The following SCAF4 variants were observed in gnomAD, a reference collection of about 807,000 sequenced individuals.
SCAF4 encodes SR-related CTD associated factor 4.
In SCAF4, 25 loss-of-function variants were observed where a neutral mutation model predicts 129.8. The ratio of observed to expected loss-of-function variants is 0.19; its 90% CI spans 0.14 to 0.27. The LOEUF is 0.27. Ranked by LOEUF, SCAF4 falls within the 10% of genes least tolerant of loss-of-function variation. The pLI, the probability that SCAF4 is intolerant of heterozygous loss-of-function variation, is 1.00. For missense variants in SCAF4, 1,246 were observed against 1,457.1 expected (o/e 0.86, Z 2.36); for synonymous variants, 551 against 497.7 (o/e 1.11, Z -1.43).
chr21:31,700,152 A>T lies in SCAF4; in HGVS notation c.777+843T>A, dbSNP rs2050487771. 3.3e-5 allele frequency among the ~76,000 whole-genome samples: 5 copies of T among 151,158 alleles called. No individual in the cohort carries two copies. The Admixed American group carries it at 3.4e-4, about 10-fold the overall frequency. The stretch of plus-strand genomic sequence containing the variant: ...GTTCCCAAACCCTCATATTATATAT[A>T]TGGTAACTAAGGTTAAAATACACAC... On this transcript the variant is annotated intron_variant, in intron 7 of 19. Transcript: ENST00000286835.
chr21:31,731,851 CGAGGCGGGCGGCCGAGGCA>C lies in SCAF4; in HGVS notation c.-178_-160del. 1.3e-6 allele frequency: 1 copy of C among 774,322 alleles called. No homozygotes were observed. The highest frequency in any genetic ancestry group is 1.9e-6 in the Non-Finnish European group (1 of 535,620). The allele number at this position is 774,322 out of a possible 1,614,324, so 48.0% of individuals were successfully genotyped here. A position where few individuals can be genotyped will look rare whatever the true frequency, so the allele number is the denominator to read the frequency against. On this transcript the variant is annotated 5_prime_UTR_variant, in exon 1 of 20. Coordinates refer to ENST00000286835, the MANE Select transcript of SCAF4 (RefSeq NM_020706.2). ...CAGGAAGAGGCTGCGCCCGAAGCGG[CGAGGCGGGCGGCCGAGGCA>C]GAGGCGGAGAGGTGGCGGGCCCCCT...
At chr21:31,705,558 A>G in intron 2 of SCAF4, 91 bp from the exon 3 acceptor site, 1 of 492,596 alleles carries the variant, frequency 2.0e-6, no homozygotes, top group Non-Finnish European at 3.5e-6. Flanking sequence ...AAATCTATAC[A>G]ATCTAAATAT....
chr21:31,703,995 C>T (rs1010364700), intron 3 of SCAF4, 69 bp from the exon 4 acceptor site: 2 of 1,008,042 alleles, frequency 2.0e-6, no homozygotes, highest in East Asian at 2.5e-5. Context: ...ATTATTTTCA[C>T]ATTTATGAAA....
rs1451859854 is a variant in SCAF4, at chr21:31,703,709, C to T, written c.321+56G>A. 8 of 956,930 alleles carry T rather than the reference C, an allele frequency of 8.4e-6. No homozygotes were observed. The Admixed American group carries it at 9.5e-5, about 11-fold the overall frequency. 59.3% of individuals were successfully genotyped at this position (956,930 alleles called of 1,614,324 possible). ...TAGTAGGCTCCAAATATCTAACATA[C>T]ATTTAAAATAATATTTTTTAAAGAA... On this transcript the variant is annotated intron_variant, in intron 4 of 19. Coordinates refer to ENST00000286835, the MANE Select transcript of SCAF4 (RefSeq NM_020706.2).
intron 19 of SCAF4, among the ~76,000 whole-genome samples, chr21:31,682,716 T>A (rs1169402296): frequency 6.6e-6 from 1 of 152,216 alleles, no homozygotes; most frequent in Non-Finnish European, 1.5e-5. Flanking sequence ...ATTCCTTTTA[T>A]TATCTTAAAA....
Position 31,688,363 on chromosome 21 carries a change from G to A in SCAF4, c.1987C>T (p.Pro663Ser). 6.2e-7 allele frequency: 1 copy of A among 1,613,278 alleles called. No homozygotes were observed. Residue 663 changes from proline (P) to serine (S), a missense_variant, in exon 16 of 20, where the codon CCT becomes TCT. Pro to Ser is a moderately conservative substitution (Grantham distance 74, BLOSUM62 -1). Around this residue, in one of 6 missense-constraint regions of SCAF4, gnomAD observed 468 missense variants for 605.5 expected, o/e 0.77. Coordinates refer to ENST00000286835, the MANE Select transcript of SCAF4 (RefSeq NM_020706.2). ...EPVSPIPKPL[P>S]VPVPPIPVPA... is the part of the protein sequence containing the mutation. ...ACAGGAATAGGAGGGACAGGCACAG[G>A]TAATGGTTTAGGTATGGGTGATACT...
intron 7 of SCAF4, among the ~76,000 whole-genome samples, chr21:31,698,123 C>A (rs1018451321): frequency 1.3e-5 from 2 of 152,090 alleles, no homozygotes; most frequent in African/African-American, 4.8e-5. Flanking sequence ...TTAATATGTT[C>A]TTTAAAGTTT....
intron 19 of SCAF4, among the ~76,000 whole-genome samples, chr21:31,681,031 T>G (rs1161637522): frequency 6.6e-6 from 1 of 152,238 alleles, no homozygotes; most frequent in Non-Finnish European, 1.5e-5. Flanking sequence ...ACTGAAGCCA[T>G]GCCAGGACTG....
chr21:31,689,497 A>G (rs930831037), intron 15 of SCAF4, among the ~76,000 whole-genome samples: 4 of 146,640 alleles, frequency 2.7e-5, no homozygotes, highest in Non-Finnish European at 4.5e-5. Flanking sequence ...TTTAGTAAAG[A>G]TGGGGTTTTA....
intron 1 of SCAF4, among the ~76,000 whole-genome samples, chr21:31,715,302 T>G (rs1180152203): frequency 6.6e-6 from 1 of 152,138 alleles, no homozygotes; most frequent in African/African-American, 2.4e-5. Flanking sequence ...ACCTCTCTAG[T>G]ATAAGGACCC....
At chr21:31,708,876 T>C (rs182942486) in intron 1 of SCAF4, among the ~76,000 whole-genome samples, 7 of 152,256 alleles carry the variant, frequency 4.6e-5, no homozygotes, top group African/African-American at 1.7e-4. Flanking sequence ...CCTTTCCACG[T>C]AGAAAGTCAA....
At chr21:31,674,208 A>C (rs59988850) in intron 19 of SCAF4, among the ~76,000 whole-genome samples, 3,015 of 152,280 alleles carry the variant, frequency 0.02, 118 homozygotes, top group African/African-American at 0.069. Flanking sequence ...CAAACCCCAG[A>C]CTGAAGGACC....
intron 1 of SCAF4, among the ~76,000 whole-genome samples, chr21:31,715,998 A>G (rs1192884597): frequency 1.3e-5 from 2 of 152,172 alleles, no homozygotes; most frequent in Admixed American, 1.3e-4. Context: ...AATTAATAAA[A>G]ACTGGCAGAC....
intron 19 of SCAF4, among the ~76,000 whole-genome samples, chr21:31,678,456 C>T (rs750399256): frequency 1.3e-5 from 2 of 152,166 alleles, no homozygotes; most frequent in Non-Finnish European, 1.5e-5. Context: ...AGCATCAGAA[C>T]CGGTCTCCTT....
intron 8 of SCAF4, 113 bp from the exon 9 acceptor site, chr21:31,696,334 A>G (rs976058381): frequency 1.2e-5 from 9 of 734,940 alleles, no homozygotes; most frequent in Non-Finnish European, 1.7e-5. Flanking sequence ...ACTGAACCAT[A>G]TATTTACCTA....
chr21:31,705,501 T>C lies in SCAF4; in HGVS notation c.115-34A>G, dbSNP rs540262084. 5 of 969,532 alleles carry C rather than the reference T, an allele frequency of 5.2e-6. No individual in the cohort carries two copies. The South Asian group carries it at 8.6e-5, about 17-fold the overall frequency. 60.1% of individuals were successfully genotyped at this position (969,532 alleles called of 1,614,324 possible). On this transcript the variant is annotated intron_variant, in intron 2 of 19. Coordinates refer to ENST00000286835, the MANE Select transcript of SCAF4 (RefSeq NM_020706.2). ...AATTAAGAGAAAATTACTGTTCAGT[T>C]TACTTATTTCTACATTTCCTATAAT...
At chr21:31,687,691 C>G (rs9974261) in intron 16 of SCAF4, among the ~76,000 whole-genome samples, 1 of 146,888 alleles carries the variant, frequency 6.8e-6, no homozygotes, top group South Asian at 2.1e-4. Context: ...ATCCAAGTTT[C>G]TTCAGGACAC....
At chr21:31,704,852 T>A (rs908792582) in intron 3 of SCAF4, among the ~76,000 whole-genome samples, 4 of 152,212 alleles carry the variant, frequency 2.6e-5, no homozygotes, top group African/African-American at 9.6e-5. Context: ...TTAACTTTTA[T>A]ACCTAAGCCA....
chr21:31,701,716 C>T (rs2050536482), intron 6 of SCAF4, 60 bp downstream of exon 6: 9 of 1,503,254 alleles, frequency 6.0e-6, no homozygotes, highest in East Asian at 2.4e-5. Context: ...GAATAGAAAA[C>T]AAGAAGTGAC....
Sources: gnomAD v4.1 joint callset for allele counts (sites outside exome capture counted in the v4.1 genomes callset) on GRCh38, gnomAD v4.1.1 for gene constraint, gnomAD v4.1.1 regional missense constraint, MANE v1.5 for transcripts, NCBI Gene and HGNC (gene_info 2026-07-23, HGNC 2026-07-21) for gene names.